NELL2: variants seen among roughly 807,000 people sequenced by gnomAD.
The protein encoded by NELL2 is neural EGFL like 2.
A neutral mutation model predicts 109.6 loss-of-function variants in NELL2; 41 were observed. That is an observed-to-expected ratio of 0.37 (90% CI 0.29 to 0.49). The LOEUF (loss-of-function observed/expected upper bound fraction) is 0.49, where lower values mean the gene tolerates loss of function less well. Among genes scored for constraint, NELL2 ranks in the 20% least tolerant of loss-of-function variants. The pLI, the probability that NELL2 is intolerant of heterozygous loss-of-function variation, is 0.98. For missense variants in NELL2, 900 were observed against 1,008.3 expected (o/e 0.89, Z 1.45); for synonymous variants, 355 against 344.7 (o/e 1.03, Z -0.33).
chr12:44,614,041 G>A (rs1021810361), intron 13 of NELL2, among the ~76,000 whole-genome samples: 9 of 152,044 alleles, frequency 5.9e-5, no homozygotes, highest in African/African-American at 2.2e-4. Context: ...ATGTCAGGAT[G>A]TAATAGTGAA....
chr12:44,842,949 T>A (rs745482543), intron 2 of NELL2, among the ~76,000 whole-genome samples: 1 of 152,112 alleles, frequency 6.6e-6, no homozygotes, highest in African/African-American at 2.4e-5. Context: ...AAGAAAGGAC[T>A]CCTCAGAGGA....
At chr12:44,819,620 G>T (rs1017537394) in intron 2 of NELL2, among the ~76,000 whole-genome samples, 7 of 152,124 alleles carry the variant, frequency 4.6e-5, no homozygotes, top group African/African-American at 1.7e-4. Context: ...GGTAGATGGG[G>T]TGCTATGAGG....
chr12:44,747,663 T>C lies in NELL2; in HGVS notation c.994+27084A>G, dbSNP rs1486141055. On this transcript the variant is annotated intron_variant, in intron 9 of 19. Coordinates refer to ENST00000429094, the MANE Select transcript of NELL2 (RefSeq NM_001145108.2). The stretch of plus-strand genomic sequence containing the variant: ...ACTGTTTAACGGTCAACTGTAGAAG[T>C]AGATTATCATAAAGGTCTCCCCTGT... Among the ~76,000 whole-genome samples the C allele has an allele frequency of 5.3e-5, 8 of 152,190 alleles. No homozygotes were observed. The East Asian group carries it at 7.7e-4, about 15-fold the overall frequency.
At chr12:44,599,225 A>T (rs949338731) in intron 15 of NELL2, among the ~76,000 whole-genome samples, 23 of 152,322 alleles carry the variant, frequency 1.5e-4, no homozygotes, top group African/African-American at 4.8e-4. Flanking sequence ...GGAAACAATC[A>T]TGAGGCAAAA....
chr12:44,537,863 T>C (rs1163796576), intron 15 of NELL2, among the ~76,000 whole-genome samples: 1 of 152,166 alleles, frequency 6.6e-6, no homozygotes, highest in African/African-American at 2.4e-5. Context: ...AAATTTCATA[T>C]AAGAAGACTG....
intron 3 of NELL2, among the ~76,000 whole-genome samples, chr12:44,788,503 G>A (rs1471193166): frequency 2.6e-5 from 4 of 152,298 alleles, no homozygotes; most frequent in Admixed American, 2.6e-4. Context: ...AGAGGGAAAG[G>A]CCCTGGGAGC....
intron 5 of NELL2, among the ~76,000 whole-genome samples, chr12:44,777,691 C>T (rs552137272): frequency 1.3e-5 from 2 of 152,152 alleles, no homozygotes; most frequent in East Asian, 1.9e-4. Context: ...AAATTGATAC[C>T]AATTTTAAAT....
intron 13 of NELL2, among the ~76,000 whole-genome samples, chr12:44,619,956 C>T (rs1180395990): frequency 6.6e-6 from 1 of 151,956 alleles, no homozygotes; most frequent in East Asian, 1.9e-4. Context: ...ATTTGTACTC[C>T]AATTTTGGGC....
chr12:44,848,112 G>T (rs1405545002), intron 2 of NELL2, among the ~76,000 whole-genome samples: 2 of 151,808 alleles, frequency 1.3e-5, no homozygotes, highest in African/African-American at 2.4e-5. Flanking sequence ...GGGGGCTGCA[G>T]TGTATAAACT....
At chr12:44,642,330 T>A (rs1412894858) in intron 13 of NELL2, among the ~76,000 whole-genome samples, 1 of 152,048 alleles carries the variant, frequency 6.6e-6, no homozygotes, top group African/African-American at 2.4e-5. Flanking sequence ...AGGACGTGAA[T>A]AAGCAATTCA....
intron 15 of NELL2, among the ~76,000 whole-genome samples, chr12:44,544,348 A>C (rs577108589): frequency 7.9e-5 from 12 of 152,286 alleles, no homozygotes; most frequent in African/African-American, 2.9e-4. Context: ...TAATTAAGTT[A>C]TTTATCCTAG....
At chr12:44,739,348 G>T (rs918702583) in intron 9 of NELL2, among the ~76,000 whole-genome samples, 1 of 152,170 alleles carries the variant, frequency 6.6e-6, no homozygotes, top group Non-Finnish European at 1.5e-5. Context: ...GGTATGAAAT[G>T]TGAAGTTTCT....
chr12:44,578,976 G>C (rs1944220981), intron 15 of NELL2, among the ~76,000 whole-genome samples: 1 of 152,094 alleles, frequency 6.6e-6, no homozygotes, highest in Non-Finnish European at 1.5e-5. Flanking sequence ...TCTTTTGTTT[G>C]TTTGTTTGTT....
intron 2 of NELL2, among the ~76,000 whole-genome samples, chr12:44,861,647 G>A (rs113338262): frequency 6.6e-6 from 1 of 152,154 alleles, no homozygotes; most frequent in African/African-American, 2.4e-5. Flanking sequence ...ACAGGGGCCA[G>A]CCCAAAGCTG....
chr12:44,816,046 G>T lies in NELL2; in HGVS notation c.275C>A (p.Thr92Asn), dbSNP rs143246478. ...RNKHEFTILV[T>N]LKQTHLNSGV... ...TGAATTTAAGTGGGTCTGTTTTAGG[G>T]TCACCAAAATAGTAAATTCATGTTT... Residue 92 changes from threonine to asparagine, a missense_variant, in exon 3 of 20, where the codon ACC becomes AAC. Around this residue, in one of 4 missense-constraint regions of NELL2, gnomAD observed 200 missense variants for 191.8 expected, o/e 1.04. Transcript: ENST00000429094. The T allele has an allele frequency of 1.9e-6, 3 of 1,613,430 alleles. No homozygotes were observed. Among genetic ancestry groups the T allele is most frequent in the African/African-American group, 2.7e-5 (2 of 74,870 alleles).
At chr12:44,775,958 A>G in intron 8 of NELL2, 64 bp downstream of exon 8, 1 of 1,559,320 alleles carries the variant, frequency 6.4e-7, no homozygotes, top group Non-Finnish European at 8.7e-7. Context: ...ACATTGTTTT[A>G]ATAAATTTTT....
chr12:44,531,218 A>G (rs1003475961), intron 16 of NELL2, among the ~76,000 whole-genome samples: 1 of 152,226 alleles, frequency 6.6e-6, no homozygotes, highest in Non-Finnish European at 1.5e-5. Context: ...GCTTTAATCC[A>G]TATACATGCT....
At chr12:44,585,507 C>A (rs1592158723) in intron 15 of NELL2, among the ~76,000 whole-genome samples, 2 of 151,338 alleles carry the variant, frequency 1.3e-5, no homozygotes, top group South Asian at 4.2e-4. Flanking sequence ...GAGGCTGAGG[C>A]AGGAAAAAAA....
intron 15 of NELL2, among the ~76,000 whole-genome samples, chr12:44,563,912 G>T (rs1286424360): frequency 1.3e-5 from 2 of 152,090 alleles, no homozygotes; most frequent in African/African-American, 4.8e-5. Context: ...AGCTGAAAAC[G>T]TCCACCATGG....
Sources: allele counts gnomAD v4.1 joint callset (sites outside exome capture counted in the v4.1 genomes callset), GRCh38; gene constraint gnomAD v4.1.1; regional missense constraint gnomAD v4.1.1; transcripts MANE v1.5; gene names NCBI Gene and HGNC (gene_info 2026-07-23, HGNC 2026-07-21).